Variants in KAZN observed in about 807,000 individuals in gnomAD.
KAZN encodes the protein kazrin.
KAZN carries 40 observed loss-of-function variants against 87.4 expected under a neutral mutation model. The ratio of observed to expected loss-of-function variants is 0.46; its 90% CI spans 0.36 to 0.60. KAZN has a LOEUF of 0.60. KAZN is among the 20% of genes least tolerant of loss of function. KAZN has a pLI of 0.00. For missense variants in KAZN, 898 were observed against 1,073.9 expected (o/e 0.84, Z 2.29); for synonymous variants, 466 against 458.3 (o/e 1.02, Z -0.22).
chr1:14,092,420 A>G (rs1032836415), intron 1 of KAZN, among the ~76,000 whole-genome samples: 7 of 150,352 alleles, frequency 4.7e-5, no homozygotes, highest in African/African-American at 1.7e-4. Context: ...AGAAATATAT[A>G]ATTGGTATAA....
chr1:14,691,035 G>A (rs1404469174), intron 1 of KAZN, among the ~76,000 whole-genome samples: 1 of 152,184 alleles, frequency 6.6e-6, no homozygotes, highest in Non-Finnish European at 1.5e-5. Flanking sequence ...TAATTATGTG[G>A]CAATTAAAGG....
intron 5 of KAZN, among the ~76,000 whole-genome samples, chr1:15,058,641 G>A (rs1638513005): frequency 1.3e-5 from 2 of 152,190 alleles, no homozygotes; most frequent in Non-Finnish European, 2.9e-5. Flanking sequence ...TGAGCTCTGG[G>A]ATTCGACAGG....
At chr1:14,779,912 C>T (rs1442624247) in intron 1 of KAZN, among the ~76,000 whole-genome samples, 1 of 152,204 alleles carries the variant, frequency 6.6e-6, no homozygotes, top group Non-Finnish European at 1.5e-5. Flanking sequence ...TTCTCTCGTG[C>T]ATTGCTGATG....
chr1:14,178,166 C>T (rs1041090869), intron 1 of KAZN, among the ~76,000 whole-genome samples: 11 of 152,156 alleles, frequency 7.2e-5, no homozygotes, highest in African/African-American at 2.7e-4. Flanking sequence ...TGCCTTCTGC[C>T]ATGATTTTAA....
chr1:13,990,328 G>A (rs150195864), intron 1 of KAZN, among the ~76,000 whole-genome samples: 1 of 152,228 alleles, frequency 6.6e-6, no homozygotes, highest in South Asian at 2.1e-4. Flanking sequence ...TTATACGAAG[G>A]AAGACCATTC....
rs1220409214 is a variant in KAZN at position 15,101,695 on chromosome 1, T to C, written c.1700T>C (p.Leu567Pro). Residue 567 changes from leucine (L) to proline (P), a missense_variant, in exon 11 of 15, where the codon CTG becomes CCG. By Grantham distance (98) the Leu-to-Pro change is moderately conservative. Around this residue, in one of 3 missense-constraint regions of KAZN, gnomAD observed 521 missense variants for 689.4 expected, o/e 0.76. Coordinates refer to ENST00000376030, the MANE Select transcript of KAZN (RefSeq NM_201628.3). ...SLMKRDLEKH[L>P]NVSKKFHQVS... is the part of the protein sequence containing the mutation. ...ATGAAGCGAGACCTGGAGAAGCACC[T>C]GAACGTGTCCAAGAAGTTCCACCAG... is the stretch of plus-strand genomic sequence containing the variant. 4.4e-6 allele frequency: 7 copies of C among 1,595,868 alleles called. No homozygotes were observed. Among genetic ancestry groups the C allele is most frequent in the African/African-American group, 1.3e-5 (1 of 74,598 alleles).
At chr1:14,307,720 A>T (rs1655022729) in intron 2 of KAZN, among the ~76,000 whole-genome samples, 1 of 152,178 alleles carries the variant, frequency 6.6e-6, no homozygotes, top group Non-Finnish European at 1.5e-5. Context: ...CCTCATATAC[A>T]AAGAGGCAGT....
At position 14,557,213 on chromosome 1, in the gene KAZN, C is replaced by T. The variant is rs910703364; in HGVS notation, c.250-41770C>T. 1.8e-4 allele frequency among the ~76,000 whole-genome samples: 28 copies of T among 152,328 alleles called. No individual in the cohort carries two copies. The East Asian group carries it at 5.4e-3, about 29-fold the overall frequency. Reference sequence around the variant, plus strand: ...AATGTGAATCTTAAGTTATCCCCAACACCTGGTAACAGCATTCATTTAGAA... The same window carrying T: ...AATGTGAATCTTAAGTTATCCCCAATACCTGGTAACAGCATTCATTTAGAA... On this transcript the variant is annotated intron_variant, in intron 2 of 16. Coordinates refer to the KAZN transcript ENST00000636203.
At position 14,029,080 on chromosome 1, in the gene KAZN, A is replaced by C. The variant is rs1300270699; in HGVS notation, c.91+135324A>C. Among the ~76,000 whole-genome samples the C allele has an allele frequency of 9.5e-5, 14 of 147,554 alleles. No individual in the cohort carries two copies. The Admixed American group carries it at 9.6e-4, about 10-fold the overall frequency. ...TTCCACAATGGTTGAACTAGTTTACAGTCCCACCAACAGTGTAAAAGTGTT... is the reference window on the plus strand; with the variant it reads ...TTCCACAATGGTTGAACTAGTTTACCGTCCCACCAACAGTGTAAAAGTGTT... On this transcript the variant is annotated intron_variant, in intron 1 of 16. Coordinates refer to the KAZN transcript ENST00000636203.
In KAZN at chr1:14,190,641, A is replaced by G. The variant is rs140855456; in HGVS notation, c.249+10049A>G. ...GAGACTAGACACCAAGATACCTTGCATATTTCTGCTCTTTCTTGAAATTCT... is the reference window on the plus strand; with the variant it reads ...GAGACTAGACACCAAGATACCTTGCGTATTTCTGCTCTTTCTTGAAATTCT... On this transcript the variant is annotated intron_variant, in intron 2 of 16. Transcript: ENST00000636203. Among the ~76,000 whole-genome samples, 202 of 152,240 alleles carry G rather than the reference A, an allele frequency of 1.3e-3. 2 individuals are homozygous for G. The East Asian group carries it at 0.019, about 15-fold the overall frequency.
intron 1 of KAZN, among the ~76,000 whole-genome samples, chr1:13,929,229 A>G (rs1640411907): frequency 6.6e-6 from 1 of 151,866 alleles, no homozygotes; most frequent in African/African-American, 2.4e-5. Context: ...CTTTGATTCT[A>G]AGGTGGAGTT....
chr1:14,624,862 C>A (rs1679000673), intron 1 of KAZN, among the ~76,000 whole-genome samples: 1 of 152,068 alleles, frequency 6.6e-6, no homozygotes, highest in African/African-American at 2.4e-5. Flanking sequence ...GGGTTAGTGA[C>A]CCAACAGCAA....
chr1:15,044,708 G>A (rs765996148), intron 4 of KAZN, among the ~76,000 whole-genome samples: 4 of 145,912 alleles, frequency 2.7e-5, no homozygotes, highest in East Asian at 4.0e-4. Context: ...CAGCCTGGGC[G>A]ACAGTGAGAC....
intron 2 of KAZN, among the ~76,000 whole-genome samples, chr1:14,451,185 C>G (rs1440567152): frequency 6.6e-6 from 1 of 152,072 alleles, no homozygotes; most frequent in Non-Finnish European, 1.5e-5. Flanking sequence ...AGTCTCAGGC[C>G]TTTCTTTATA....
chr1:13,948,836 G>A (rs191162917), intron 1 of KAZN, among the ~76,000 whole-genome samples: 5 of 152,204 alleles, frequency 3.3e-5, no homozygotes, highest in Admixed American at 2.6e-4. Flanking sequence ...TGAAAATATG[G>A]CTCAAGGTTC....
intron 2 of KAZN, among the ~76,000 whole-genome samples, chr1:14,481,156 T>C (rs925112628): frequency 1.1e-4 from 17 of 152,044 alleles, no homozygotes; most frequent in African/African-American, 4.1e-4. Flanking sequence ...GGAGCCACCA[T>C]CTAAGTTCAA....
At position 14,889,015 on chromosome 1, in the gene KAZN, T is replaced by C. The variant is rs1322164907; in HGVS notation, c.227-71669T>C. Among the ~76,000 whole-genome samples, 3 of 152,246 alleles carry C rather than the reference T, an allele frequency of 2.0e-5. 1 individual carries two copies. The South Asian group carries it at 6.2e-4, about 32-fold the overall frequency. On this transcript the variant is annotated intron_variant, in intron 1 of 14. Transcript: ENST00000376030. ...ACAATAATGATAGCTAATGAGTTTT[T>C]AAAAATCGCAAAAACATCTCATAGT...
intron 1 of KAZN, among the ~76,000 whole-genome samples, chr1:14,911,978 G>A (rs1358917846): frequency 1.3e-5 from 2 of 151,798 alleles, no homozygotes; most frequent in Non-Finnish European, 2.9e-5. Context: ...ATGATGGCAC[G>A]TTATCTCTAC....
chr1:14,498,464 G>T (rs942586120), intron 2 of KAZN, among the ~76,000 whole-genome samples: 1 of 152,182 alleles, frequency 6.6e-6, no homozygotes, highest in African/African-American at 2.4e-5. Flanking sequence ...GGCCGAGGCA[G>T]GTGGATCACT....
Sources: allele counts gnomAD v4.1 joint callset (sites outside exome capture counted in the v4.1 genomes callset), GRCh38; gene constraint gnomAD v4.1.1; regional missense constraint gnomAD v4.1.1; transcripts MANE v1.5; gene names NCBI Gene and HGNC (gene_info 2026-07-23, HGNC 2026-07-21).